LCA5L: variants seen among roughly 807,000 people sequenced by gnomAD.
The protein encoded by LCA5L is lebercilin-like protein.
Under a neutral mutation model 45.4 loss-of-function variants are expected in LCA5L, and 35 were observed. The ratio of observed to expected loss-of-function variants is 0.77; its 90% CI spans 0.59 to 1.02. The LOEUF (loss-of-function observed/expected upper bound fraction) is 1.02, where lower values mean the gene tolerates loss of function less well. Among genes scored for constraint, LCA5L ranks in the 50% least tolerant of loss-of-function variants. LCA5L has a pLI of 0.00. For synonymous variants in LCA5L, 233 were observed against 264.7 expected (o/e 0.88, Z 1.16); for missense variants, 668 against 761.6 (o/e 0.88, Z 1.45).
chr21:39,435,853 G>C (rs1370666933), intron 2 of LCA5L, among the ~76,000 whole-genome samples: 1 of 152,098 alleles, frequency 6.6e-6, no homozygotes, highest in South Asian at 2.1e-4. Context: ...GGCCAGGCTG[G>C]TCTCAAACTC....
chr21:39,438,214 T>C (rs1385526595), intron 2 of LCA5L, among the ~76,000 whole-genome samples: 1 of 152,070 alleles, frequency 6.6e-6, no homozygotes, highest in Non-Finnish European at 1.5e-5. Flanking sequence ...CAAATACATA[T>C]GGTAACCTAG....
At chr21:39,406,853 C>A in intron 10 of LCA5L, 1 of 417,536 alleles carries the variant, frequency 2.4e-6, no homozygotes, top group Middle Eastern at 6.7e-4. Flanking sequence ...AGAAAAATGA[C>A]ATTCATAGAA....
intron 7 of LCA5L, among the ~76,000 whole-genome samples, chr21:39,417,926 T>G (rs962229510): frequency 1.3e-5 from 2 of 152,056 alleles, no homozygotes; most frequent in Non-Finnish European, 2.9e-5. Context: ...CCACCATGCC[T>G]GGTTAATTTT....
At chr21:39,445,098 G>GAAAAA (rs34104538) in intron 1 of LCA5L, among the ~76,000 whole-genome samples, 2 of 151,262 alleles carry the variant, frequency 1.3e-5, no homozygotes, top group South Asian at 2.1e-4. Context: ...ATTCAGCCGT[G>GAAAAA]AAAACTGGTC....
chr21:39,427,938 C>T (rs1244902562), intron 5 of LCA5L: 2 of 331,240 alleles, frequency 6.0e-6, no homozygotes, highest in East Asian at 1.2e-4. Flanking sequence ...TAGTAGGCTC[C>T]AGTAGGGTAA....
At chr21:39,413,055 G>C (rs1569072461) in intron 7 of LCA5L, among the ~76,000 whole-genome samples, 1 of 152,274 alleles carries the variant, frequency 6.6e-6, no homozygotes, top group Middle Eastern at 3.4e-3. Flanking sequence ...ACAGTCAGCA[G>C]GGGACAATCA....
intron 7 of LCA5L, among the ~76,000 whole-genome samples, chr21:39,414,734 C>CTGTATGTG (rs1446676855): frequency 9.7e-6 from 1 of 103,164 alleles, no homozygotes; most frequent in African/African-American, 4.1e-5. Context: ...CTCTCTCTCT[C>CTGTATGTG]TCTCTCTCTG....
In LCA5L at chr21:39,410,273, C is replaced by T. The variant is rs1280987619; in HGVS notation, c.1155G>A (p.Leu385=). The part of the protein sequence containing the change: ...QGTQKSDVPP[L]TTKGKKATGN... Reference sequence around the variant, plus strand: ...TCCAAATTTGCTGTACCTTAGTTGTCAAAGGTGGAACATCTGATTTTTGGG... The same window carrying T: ...TCCAAATTTGCTGTACCTTAGTTGTTAAAGGTGGAACATCTGATTTTTGGG... The change falls in exon 9 of 11, where the codon TTG becomes TTA. Residue 385 remains leucine (L), a synonymous_variant. Transcript: ENST00000288350. 6.3e-7 allele frequency: 1 copy of T among 1,599,806 alleles called. No individual in the cohort carries two copies. The highest frequency in any genetic ancestry group is 8.5e-7 in the Non-Finnish European group (1 of 1,172,104).
intron 6 of LCA5L, 189 bp downstream of exon 6, chr21:39,422,787 T>G (rs527922782): frequency 4.7e-5 from 28 of 598,860 alleles, no homozygotes; most frequent in Admixed American, 3.1e-4. Context: ...TAGTTTGAGC[T>G]GCTTCTGTTT....
chr21:39,412,541 C>T (rs550540540), intron 7 of LCA5L, among the ~76,000 whole-genome samples: 3 of 151,752 alleles, frequency 2.0e-5, no homozygotes, highest in Admixed American at 2.0e-4. Flanking sequence ...GAGAGGTGGG[C>T]ATATATGAAG....
chr21:39,415,669 GGTTT>G (rs1244290770), intron 7 of LCA5L, among the ~76,000 whole-genome samples: 4 of 152,152 alleles, frequency 2.6e-5, no homozygotes, highest in African/African-American at 4.8e-5. Flanking sequence ...GTTTTTAAAA[GGTTT>G]GTTTGAATTA....
chr21:39,422,921 C>T (rs552769824), intron 6 of LCA5L, 55 bp downstream of exon 6: 3 of 1,513,358 alleles, frequency 2.0e-6, no homozygotes, highest in Admixed American at 1.9e-5. Context: ...TTAATTCACA[C>T]CCTCTCTCTA....
intron 2 of LCA5L, chr21:39,438,630 A>G (rs929022539): frequency 6.6e-6 from 1 of 152,220 alleles, no homozygotes; most frequent in African/African-American, 2.4e-5. Context: ...CAGCATAAAC[A>G]CATTACAGAA....
At chr21:39,413,172 C>T (rs2040411960) in intron 7 of LCA5L, among the ~76,000 whole-genome samples, 1 of 152,212 alleles carries the variant, frequency 6.6e-6, no homozygotes, top group Admixed American at 6.5e-5. Context: ...AGTCACTCGT[C>T]AGGAGAACCA....
intron 3 of LCA5L, among the ~76,000 whole-genome samples, chr21:39,433,508 T>C (rs1231467806): frequency 6.6e-6 from 1 of 152,068 alleles, no homozygotes. Context: ...CCTTTCTTTC[T>C]TCTAGAAGTT....
intron 2 of LCA5L, among the ~76,000 whole-genome samples, 192 bp from the exon 3 acceptor site, chr21:39,435,765 A>T (rs529441477): frequency 2.4e-4 from 36 of 152,202 alleles, no homozygotes; most frequent in African/African-American, 8.2e-4. Flanking sequence ...CCTCCTGAGT[A>T]GCTGGGATTA....
At chr21:39,433,643 C>G (rs1601933487) in intron 3 of LCA5L, among the ~76,000 whole-genome samples, 1 of 152,110 alleles carries the variant, frequency 6.6e-6, no homozygotes, top group South Asian at 2.1e-4. Flanking sequence ...CACTCAATTG[C>G]CTTTGCATCT....
chr21:39,431,112 A>G (rs867617307), intron 3 of LCA5L, among the ~76,000 whole-genome samples: 8 of 152,234 alleles, frequency 5.3e-5, no homozygotes, highest in Non-Finnish European at 2.9e-5. Context: ...CAATTCTACC[A>G]GATTAAAATG....
At chr21:39,411,674 A>G in intron 8 of LCA5L, 44 bp downstream of exon 8, 8 of 979,868 alleles carry the variant, frequency 8.2e-6, no homozygotes, top group Non-Finnish European at 1.2e-5. Flanking sequence ...AAATCTGACT[A>G]GATACTTAAA....
Sources: gnomAD v4.1 joint callset for allele counts (sites outside exome capture counted in the v4.1 genomes callset) on GRCh38, gnomAD v4.1.1 for gene constraint, MANE v1.5 for transcripts, NCBI Gene and HGNC (gene_info 2026-07-23, HGNC 2026-07-21) for gene names.